The following DCHS2 variants were observed in gnomAD, a reference collection of about 807,000 sequenced individuals.
The protein encoded by DCHS2 is dachsous cadherin-related 2.
In DCHS2, 142 loss-of-function variants were observed where a neutral mutation model predicts 182.4. The observed-to-expected ratio is 0.78, with a 90% confidence interval of 0.68 to 0.89. The LOEUF (loss-of-function observed/expected upper bound fraction) is 0.89. DCHS2 is among the 40% of genes least tolerant of loss of function. DCHS2 has a pLI of 0.00. For synonymous variants in DCHS2, 1,740 were observed against 1,663.3 expected, an observed-to-expected ratio of 1.05 and a Z score of -1.12; for missense variants, 4,319 against 4,198.6, an observed-to-expected ratio of 1.03 and a Z score of -0.79.
In DCHS2 at chr4:154,490,026, C is replaced by T. The variant is rs548467409; in HGVS notation, c.1330G>A (p.Ala444Thr). 4 of 1,547,830 alleles carry T rather than the reference C, an allele frequency of 2.6e-6. No individual in the cohort carries two copies. Among genetic ancestry groups the T allele is most frequent in the African/African-American group, 2.7e-5 (2 of 73,188 alleles). The change falls in exon 1 of 20, where the codon GCG becomes ACG. Residue 444 changes from alanine to threonine, a missense_variant. By Grantham distance (58) the Ala-to-Thr change is moderately conservative. Coordinates refer to ENST00000357232, the MANE Select transcript of DCHS2 (RefSeq NM_001358235.2). ...DYVARVSVSD[A>T]DGDWEKEDEA... Reference sequence around the variant, plus strand: ...TCTTCCTTCTCCCAGTCACCGTCCGCGTCAGACACCGAGACGCGAGCCACG... The same window carrying T: ...TCTTCCTTCTCCCAGTCACCGTCCGTGTCAGACACCGAGACGCGAGCCACG...
chr4:154,386,363 T>C (rs1339998443), intron 1 of DCHS2, among the ~76,000 whole-genome samples: 1 of 152,200 alleles, frequency 6.6e-6, no homozygotes, highest in Non-Finnish European at 1.5e-5. Context: ...TGGTGTTCTC[T>C]GTGCCTGCAA....
chr4:154,240,713 T>C lies in DCHS2; in HGVS notation c.7183A>G (p.Ile2395Val), dbSNP rs1403059525. 2.5e-6 allele frequency: 4 copies of C among 1,613,988 alleles called. No homozygotes were observed. The highest frequency in any genetic ancestry group is 3.4e-6 in the Non-Finnish European group (4 of 1,179,920). The part of the protein sequence containing the change: ...KESNPGTKFA[I>V]DQNTGVVVLV... Reference sequence around the variant, plus strand: ...ACCACCACTCCAGTGTTCTGATCAATAGCAAACTTGGTTCCAGGATTACTC... The same window carrying C: ...ACCACCACTCCAGTGTTCTGATCAACAGCAAACTTGGTTCCAGGATTACTC... The change falls in exon 18 of 20, where the codon ATT (isoleucine) becomes GTT (valine). Residue 2395 changes from isoleucine to valine, a missense_variant. Ile to Val is a conservative substitution (Grantham distance 29). Coordinates refer to ENST00000357232, the MANE Select transcript of DCHS2 (RefSeq NM_001358235.2).
Position 154,481,801 on chromosome 4 carries a change from T to C in DCHS2, c.2052+7503A>G, listed in dbSNP as rs547843541. ...TAGGAATTTACTTGAGGTTAAGCTA[T>C]TAAGTAACAGAGCTGAAATTTAAAC... On this transcript the variant is annotated intron_variant, in intron 1 of 19. Coordinates refer to ENST00000357232, the MANE Select transcript of DCHS2 (RefSeq NM_001358235.2). Among the ~76,000 whole-genome samples, 36 of 152,302 alleles carry C rather than the reference T, an allele frequency of 2.4e-4. No homozygotes were observed. The South Asian group carries it at 7.2e-3, about 31-fold the overall frequency.
At chr4:154,488,890 GTGTGTGTGTGTC>G (rs201678405) in intron 1 of DCHS2, among the ~76,000 whole-genome samples, 3,186 of 24,734 alleles carry the variant, frequency 0.13, 57 homozygotes, top group East Asian at 0.42. Context: ...ATATATATGT[GTGTGTGTGTGTC>G]TGTGTGTGTG....
At chr4:154,323,182 C>A in intron 7 of DCHS2, 1 of 1,548,310 alleles carries the variant, frequency 6.5e-7, no homozygotes, top group Non-Finnish European at 8.7e-7. Flanking sequence ...ATAATATGTT[C>A]CTCTATTCTT....
intron 1 of DCHS2, among the ~76,000 whole-genome samples, chr4:154,481,594 T>A (rs1009397812): frequency 6.6e-6 from 1 of 152,180 alleles, no homozygotes; most frequent in Non-Finnish European, 1.5e-5. Flanking sequence ...AGCTCCATAG[T>A]TTAATCACAC....
chr4:154,286,018 G>C (rs1734378042), intron 13 of DCHS2, among the ~76,000 whole-genome samples: 1 of 152,138 alleles, frequency 6.6e-6, no homozygotes, highest in African/African-American at 2.4e-5. Context: ...AGGCAGCTCA[G>C]CACAGAGCAA....
At chr4:154,334,780 A>T in intron 4 of DCHS2, 88 bp downstream of exon 4, 1 of 1,110,264 alleles carries the variant, frequency 9.0e-7, no homozygotes, top group South Asian at 1.4e-5. Context: ...GAAAGAAGAA[A>T]AAAATTATTC....
At chr4:154,435,990 C>T (rs1733763007) in intron 1 of DCHS2, among the ~76,000 whole-genome samples, 1 of 152,178 alleles carries the variant, frequency 6.6e-6, no homozygotes, top group Non-Finnish European at 1.5e-5. Flanking sequence ...GATAAACATC[C>T]TTATTCACAA....
chr4:154,259,552 A>C lies in DCHS2; in HGVS notation c.6782T>G (p.Val2261Gly), dbSNP rs760637965. 6 of 1,613,770 alleles carry C rather than the reference A, an allele frequency of 3.7e-6. No homozygotes were observed. The South Asian group carries it at 6.6e-5, about 18-fold the overall frequency. ...VSESQLYNAH[V>G]IQVFATDLDS... is the part of the protein sequence containing the mutation. ...CAAATATATTTCTGTTACCTGTATG[A>C]CATGAGCATTGTAGAGTTGGCTTTC... Residue 2261 changes from valine to glycine, a missense_variant, in exon 15 of 20, where the codon GTC (valine) becomes GGC (glycine). Transcript: ENST00000357232.
At chr4:154,423,938 G>T (rs1252403187) in intron 1 of DCHS2, among the ~76,000 whole-genome samples, 2 of 152,168 alleles carry the variant, frequency 1.3e-5, no homozygotes. Context: ...CAAACTTTCA[G>T]CAGGAGGGTC....
intron 13 of DCHS2, among the ~76,000 whole-genome samples, chr4:154,272,653 A>G (rs1578892666): frequency 6.6e-6 from 1 of 152,098 alleles, no homozygotes; most frequent in South Asian, 2.1e-4. Context: ...AAGTTTCCTG[A>G]GGCCTCCCCA....
chr4:154,232,397 T>TA lies in DCHS2; in HGVS notation c.*2138dup, dbSNP rs1247697983. ...CAATTAAAAATCCATTAAATATTGGTAAAAAAGCTCTATTACATGTCTTCT... is the reference window on the plus strand; with the variant it reads ...CAATTAAAAATCCATTAAATATTGGTAAAAAAAGCTCTATTACATGTCTTCT... On this transcript the variant is annotated 3_prime_UTR_variant, in exon 20 of 20. Coordinates refer to ENST00000357232, the MANE Select transcript of DCHS2 (RefSeq NM_001358235.2). 2.6e-5 allele frequency: 4 copies of TA among 152,094 alleles called. No individual in the cohort carries two copies. Among genetic ancestry groups the TA allele is most frequent in the Middle Eastern group, 3.2e-3 (1 of 316 alleles). The allele number at this position is 152,094 out of a possible 1,614,324, so 9.4% of individuals were successfully genotyped here.
At chr4:154,320,134 A>G (rs1561038622) in intron 9 of DCHS2, among the ~76,000 whole-genome samples, 1 of 152,220 alleles carries the variant, frequency 6.6e-6, no homozygotes. Flanking sequence ...TATCTAAAAT[A>G]GTCTAATTCA....
intron 2 of DCHS2, 75 bp downstream of exon 2, chr4:154,377,178 T>C (rs1730941975): frequency 2.2e-6 from 3 of 1,394,380 alleles, no homozygotes; most frequent in South Asian, 2.8e-5. Context: ...TTGATCATCA[T>C]TGGTCCTCTG....
At chr4:154,427,914 A>G (rs1733397429) in intron 1 of DCHS2, among the ~76,000 whole-genome samples, 2 of 152,250 alleles carry the variant, frequency 1.3e-5, no homozygotes, top group South Asian at 4.1e-4. Context: ...CAACAAAATC[A>G]ACTGCTCTAT....
At chr4:154,443,245 C>CA (rs1201779883) in intron 1 of DCHS2, among the ~76,000 whole-genome samples, 1 of 151,988 alleles carries the variant, frequency 6.6e-6, no homozygotes, top group Non-Finnish European at 1.5e-5. Flanking sequence ...TACGGCTAAA[C>CA]AAAAAAACAG....
chr4:154,390,502 T>TCACACA (rs377605285), intron 1 of DCHS2, among the ~76,000 whole-genome samples: 24 of 148,246 alleles, frequency 1.6e-4, no homozygotes, highest in African/African-American at 5.7e-4. Flanking sequence ...ACTAAGTCAT[T>TCACACA]CACACACACA....
At chr4:154,388,516 A>G (rs1057500598) in intron 1 of DCHS2, among the ~76,000 whole-genome samples, 18 of 115,898 alleles carry the variant, frequency 1.6e-4, no homozygotes, top group African/African-American at 6.3e-4. Context: ...TTTTTTTGAG[A>G]TGGAGTCTCC....
Sources: allele counts gnomAD v4.1 joint callset (sites outside exome capture counted in the v4.1 genomes callset), GRCh38; gene constraint gnomAD v4.1.1; transcripts MANE v1.5; gene names NCBI Gene and HGNC (gene_info 2026-07-23, HGNC 2026-07-21).